DDX1: variants seen among roughly 807,000 people sequenced by gnomAD.
The protein encoded by DDX1 is ATP-dependent RNA helicase DDX1.
In DDX1, 28 loss-of-function variants were observed where a neutral mutation model predicts 108.7. That is an observed-to-expected ratio of 0.26 (90% CI 0.19 to 0.35). DDX1 has a LOEUF of 0.35. Among genes scored for constraint, DDX1 ranks in the 10% least tolerant of loss-of-function variants. DDX1 has a pLI of 1.00. For missense variants in DDX1, 710 were observed against 884.5 expected (o/e 0.80, Z 2.50); for synonymous variants, 295 against 288.9 (o/e 1.02, Z -0.21).
chr2:15,619,196 C>A (rs1011040800), intron 16 of DDX1, among the ~76,000 whole-genome samples: 1 of 152,164 alleles, frequency 6.6e-6, no homozygotes, highest in Admixed American at 6.5e-5. Context: ...CTCTGGCAGG[C>A]GACTCGGCCC....
At chr2:15,624,155 C>T (rs1317270587) in intron 19 of DDX1, among the ~76,000 whole-genome samples, 1 of 151,830 alleles carries the variant, frequency 6.6e-6, no homozygotes, top group Non-Finnish European at 1.5e-5. Context: ...AATCTGAGGA[C>T]ATAGAAAGAT....
rs562753958 is a variant in DDX1, at chr2:15,615,923, C to T, written c.1018-1321C>T. On this transcript the variant is annotated intron_variant, in intron 14 of 25. Coordinates refer to ENST00000233084, the MANE Select transcript of DDX1 (RefSeq NM_004939.3). Reference sequence around the variant, plus strand: ...TTATTTATTTTTGGAGATGGAGTCTCGTTCTGTTGCCCAGGCTGGAGTGCA... The same window carrying T: ...TTATTTATTTTTGGAGATGGAGTCTTGTTCTGTTGCCCAGGCTGGAGTGCA... 1.6e-4 allele frequency among the ~76,000 whole-genome samples: 25 copies of T among 152,102 alleles called. 1 individual carries two copies. The South Asian group carries it at 2.1e-3, about 13-fold the overall frequency.
chr2:15,608,663 GTTTTTT>G lies in DDX1; in HGVS notation c.956+1367_956+1372del, dbSNP rs569566545. Among the ~76,000 whole-genome samples, 193 of 106,720 alleles carry G rather than the reference GTTTTTT, an allele frequency of 1.8e-3. 1 individual carries two copies. The highest frequency in any genetic ancestry group is 7.0e-3 in the African/African-American group (188 of 26,716). 70.0% of individuals were successfully genotyped at this position (106,720 alleles called of 152,430 possible). On this transcript the variant is annotated intron_variant, in intron 13 of 25. Transcript: ENST00000233084. ...CACAAAAGCCTGTGTTTTTTTTTAG[GTTTTTT>G]TTTTTTTTTTTTTTTTATGAAGTCT... is the stretch of plus-strand genomic sequence containing the variant.
At chr2:15,611,364 A>T (rs868593992) in intron 13 of DDX1, among the ~76,000 whole-genome samples, 4 of 151,338 alleles carry the variant, frequency 2.6e-5, no homozygotes, top group Admixed American at 6.6e-5. Flanking sequence ...CAAAACCGCC[A>T]TTGTCATCAT....
chr2:15,629,192 C>T (rs1450884143), intron 23 of DDX1, among the ~76,000 whole-genome samples: 3 of 152,088 alleles, frequency 2.0e-5, no homozygotes, highest in South Asian at 2.1e-4. Flanking sequence ...ATAAAGAGCT[C>T]CCATATACTC....
intron 14 of DDX1, among the ~76,000 whole-genome samples, chr2:15,616,062 T>TTGTGTGTG (rs58811920): frequency 1.1e-4 from 17 of 148,982 alleles, no homozygotes; most frequent in South Asian, 4.3e-4. Context: ...CCGGCTAATT[T>TTGTGTGTG]TGTGTGTGTG....
chr2:15,621,896 C>T (rs1428589316), intron 18 of DDX1, among the ~76,000 whole-genome samples: 1 of 152,172 alleles, frequency 6.6e-6, no homozygotes, highest in African/African-American at 2.4e-5. Flanking sequence ...TCAAATGATC[C>T]ACCCGCCTTG....
intron 13 of DDX1, among the ~76,000 whole-genome samples, chr2:15,613,020 T>TGGGAAGAGAGGGAGAGGGAGACCGG: frequency 7.6e-6 from 1 of 131,120 alleles, no homozygotes; most frequent in South Asian, 2.5e-4. Flanking sequence ...AGGGAGACCG[T>TGGGAAGAGAGGGAGAGGGAGACCGG]GGGGAGAGGG....
chr2:15,607,088 A>G (rs747436778), intron 12 of DDX1, 87 bp from the exon 13 acceptor site: 4 of 1,182,558 alleles, frequency 3.4e-6, no homozygotes, highest in Non-Finnish European at 4.9e-6. Flanking sequence ...TAAAATGTTG[A>G]TATTAGAATA....
chr2:15,620,078 A>G (rs1253626114), intron 16 of DDX1, 130 bp from the exon 17 acceptor site: 7 of 780,994 alleles, frequency 9.0e-6, no homozygotes, highest in Admixed American at 5.3e-5. Flanking sequence ...AGTTGTCGCT[A>G]CATAGAGTAA....
chr2:15,615,887 T>A (rs768190025), intron 14 of DDX1, among the ~76,000 whole-genome samples: 2 of 152,032 alleles, frequency 1.3e-5, no homozygotes, highest in Non-Finnish European at 2.9e-5. Context: ...TATATATTTT[T>A]ATTTATTTAT....
intron 16 of DDX1, among the ~76,000 whole-genome samples, chr2:15,618,693 G>A (rs1665941016): frequency 6.6e-6 from 1 of 152,250 alleles, no homozygotes; most frequent in African/African-American, 2.4e-5. Context: ...CCAGGAGCCT[G>A]TCTGCCTCCT....
intron 13 of DDX1, 105 bp downstream of exon 13, chr2:15,607,418 A>T: frequency 1.1e-6 from 1 of 915,356 alleles, no homozygotes. Flanking sequence ...GTGTGTATAC[A>T]TAATACACGT....
At chr2:15,599,057 CAG>C (rs1334033282) in intron 5 of DDX1, 3 of 151,924 alleles carry the variant, frequency 2.0e-5, no homozygotes, top group South Asian at 2.1e-4. Flanking sequence ...GGAGTAAGGA[CAG>C]AGATCAGTAT....
chr2:15,597,950 T>C (rs951628170), intron 5 of DDX1, among the ~76,000 whole-genome samples: 1 of 152,154 alleles, frequency 6.6e-6, no homozygotes, highest in East Asian at 1.9e-4. Flanking sequence ...TTGTTTCTTA[T>C]GTGCAGTCCT....
chr2:15,627,680 C>T (rs2148750246), intron 20 of DDX1: 1 of 152,846 alleles, frequency 6.5e-6, no homozygotes, highest in East Asian at 1.9e-4. Flanking sequence ...GGTAACCTGT[C>T]TACCTGCAAG....
intron 6 of DDX1, among the ~76,000 whole-genome samples, chr2:15,600,004 A>C (rs4668454): frequency 0.25 from 36,493 of 147,956 alleles, 5,387 homozygotes; most frequent in African/African-American, 0.43. Flanking sequence ...CATCTGGAGC[A>C]ATATAAAATT....
At chr2:15,622,528 T>C (rs917541729) in intron 18 of DDX1, among the ~76,000 whole-genome samples, 4 of 152,202 alleles carry the variant, frequency 2.6e-5, no homozygotes, top group Non-Finnish European at 5.9e-5. Flanking sequence ...GGATCATTCA[T>C]TGGTGAGGGT....
intron 13 of DDX1, among the ~76,000 whole-genome samples, chr2:15,609,207 AT>A (rs1665716552): frequency 1.3e-5 from 2 of 152,218 alleles, no homozygotes; most frequent in African/African-American, 4.8e-5. Flanking sequence ...GTGTGAATTG[AT>A]TTTTGTGCTG....
Sources: gnomAD v4.1 joint callset for allele counts (sites outside exome capture counted in the v4.1 genomes callset) on GRCh38, gnomAD v4.1.1 for gene constraint, MANE v1.5 for transcripts, NCBI Gene and HGNC (gene_info 2026-07-23, HGNC 2026-07-21) for gene names.